CIB4: variants seen among roughly 807,000 people sequenced by gnomAD.
CIB4 encodes calcium and integrin binding family member 4.
Under a neutral mutation model 25.8 loss-of-function variants are expected in CIB4, and 25 were observed. The ratio of observed to expected loss-of-function variants is 0.97; its 90% CI spans 0.71 to 1.35. CIB4 has a LOEUF of 1.35. CIB4 is among the 40% of genes most tolerant of loss of function. CIB4 has a pLI of 0.00. For synonymous variants in CIB4, 75 were observed against 81.4 expected (o/e 0.92, Z 0.42); for missense variants, 235 against 228.2 (o/e 1.03, Z -0.19).
chr2:26,637,549 A>G (rs772771690), intron 2 of CIB4, among the ~76,000 whole-genome samples: 22 of 151,978 alleles, frequency 1.4e-4, no homozygotes, highest in Non-Finnish European at 2.9e-4. Flanking sequence ...TAACTTAATA[A>G]TATACCTTGG....
At chr2:26,582,461 T>C (rs1203631244) in intron 6 of CIB4, among the ~76,000 whole-genome samples, 1 of 151,988 alleles carries the variant, frequency 6.6e-6, no homozygotes, top group East Asian at 1.9e-4. Flanking sequence ...CATCTTCAGA[T>C]CCCCCCTGTA....
At chr2:26,601,234 ATAT>A (rs1668782915) in intron 3 of CIB4, among the ~76,000 whole-genome samples, 51 of 8,810 alleles carry the variant, frequency 5.8e-3, no homozygotes, top group South Asian at 0.042. Flanking sequence ...AAAAAAAAAT[ATAT>A]ATATATATAT....
At chr2:26,640,754 CT>C (rs1669620147) in intron 1 of CIB4, among the ~76,000 whole-genome samples, 187 bp from the exon 2 acceptor site, 1 of 152,216 alleles carries the variant, frequency 6.6e-6, no homozygotes, top group African/African-American at 2.4e-5. Context: ...TTCTTACCCC[CT>C]AGTCTCTTAC....
intron 2 of CIB4, among the ~76,000 whole-genome samples, chr2:26,634,867 C>T (rs1041850212): frequency 1.3e-5 from 2 of 152,224 alleles, no homozygotes; most frequent in Admixed American, 1.3e-4. Flanking sequence ...CCACCCCACC[C>T]AAGAGAGTGT....
At chr2:26,592,611 T>C (rs1347673823) in intron 4 of CIB4, among the ~76,000 whole-genome samples, 1 of 152,204 alleles carries the variant, frequency 6.6e-6, no homozygotes, top group Admixed American at 6.5e-5. Context: ...TCTATTGTCC[T>C]GCACGTCTCT....
At chr2:26,635,507 A>G (rs1669515691) in intron 2 of CIB4, among the ~76,000 whole-genome samples, 1 of 152,214 alleles carries the variant, frequency 6.6e-6, no homozygotes, top group Admixed American at 6.5e-5. Context: ...ACATTTCTCT[A>G]TGACACCAAT....
At chr2:26,629,189 C>T (rs949056426) in intron 3 of CIB4, among the ~76,000 whole-genome samples, 52 of 152,284 alleles carry the variant, frequency 3.4e-4, no homozygotes, top group African/African-American at 1.2e-3. Context: ...GGGTCCTGCT[C>T]TAGGACCGAG....
At chr2:26,600,405 A>AAAAT (rs1179833559) in intron 3 of CIB4, among the ~76,000 whole-genome samples, 3 of 152,250 alleles carry the variant, frequency 2.0e-5, no homozygotes, top group Admixed American at 1.3e-4. Flanking sequence ...CTCTGACTCA[A>AAAAT]AAATAAATAA....
At chr2:26,622,850 G>T (rs1669230949) in intron 3 of CIB4, among the ~76,000 whole-genome samples, 1 of 152,114 alleles carries the variant, frequency 6.6e-6, no homozygotes, top group Non-Finnish European at 1.5e-5. Flanking sequence ...AGGCATGGCG[G>T]CACGCGCCTG....
At chr2:26,633,439 C>A (rs930534979) in intron 2 of CIB4, among the ~76,000 whole-genome samples, 5 of 152,104 alleles carry the variant, frequency 3.3e-5, no homozygotes, top group Admixed American at 2.0e-4. Context: ...AAACCAAGTT[C>A]TTCGGGCTGT....
intron 3 of CIB4, among the ~76,000 whole-genome samples, chr2:26,605,308 T>TA (rs374718515): frequency 3.8e-3 from 567 of 148,486 alleles, no homozygotes; most frequent in African/African-American, 0.012. Flanking sequence ...TTTGTTCAAG[T>TA]AAAAAAAAAA....
At chr2:26,603,086 G>A (rs895179610) in intron 3 of CIB4, among the ~76,000 whole-genome samples, 4 of 151,986 alleles carry the variant, frequency 2.6e-5, no homozygotes, top group Non-Finnish European at 1.5e-5. Context: ...TCACTTCTGT[G>A]GTATTTGCAC....
chr2:26,606,126 G>C (rs1002018449), intron 3 of CIB4, among the ~76,000 whole-genome samples: 1 of 152,200 alleles, frequency 6.6e-6, no homozygotes, highest in African/African-American at 2.4e-5. Context: ...AGTCCTTGCC[G>C]CAAATGCATC....
At chr2:26,608,068 C>A in intron 3 of CIB4, among the ~76,000 whole-genome samples, 1 of 152,140 alleles carries the variant, frequency 6.6e-6, no homozygotes, top group East Asian at 1.9e-4. Context: ...TGAAACCCCA[C>A]CTTTACTAAA....
At position 26,602,294 on chromosome 2, in the gene CIB4, A is replaced by T. The variant is rs375180585; in HGVS notation, c.187-6977T>A. On this transcript the variant is annotated intron_variant, in intron 3 of 6. Coordinates refer to ENST00000288861, the MANE Select transcript of CIB4 (RefSeq NM_001029881.3). ...GTTTGACCAGGTACGTAGTCTAAAG[A>T]CCAAAATAATATAAATAAACTTCTA... is the stretch of plus-strand genomic sequence containing the variant. 8.5e-5 allele frequency among the ~76,000 whole-genome samples: 13 copies of T among 152,292 alleles called. No homozygotes were observed. The South Asian group carries it at 2.7e-3, about 32-fold the overall frequency.
rs758447437 is a variant in CIB4 at position 26,583,749 on chromosome 2, C to A, written c.438+40G>T. ...CTTTGGGTGACAACCTGGCCCCTAT[C>A]CCCGGCCCCAGCCACCAACTCCCAG... On this transcript the variant is annotated intron_variant, in intron 5 of 6. Coordinates refer to ENST00000288861, the MANE Select transcript of CIB4 (RefSeq NM_001029881.3). 3.6e-6 allele frequency: 5 copies of A among 1,372,534 alleles called. No homozygotes were observed. The South Asian group carries it at 4.7e-5, about 13-fold the overall frequency. The allele number at this position is 1,372,534 out of a possible 1,614,324, so 85.0% of individuals were successfully genotyped here.
chr2:26,598,107 C>T (rs1206363729), intron 3 of CIB4, among the ~76,000 whole-genome samples: 1 of 151,922 alleles, frequency 6.6e-6, no homozygotes, highest in Non-Finnish European at 1.5e-5. Context: ...CGAGACCAGC[C>T]TGGCCAACAT....
rs190700295 is a variant in CIB4, at chr2:26,589,117, T to C, written c.329-5219A>G. 5.7e-4 allele frequency among the ~76,000 whole-genome samples: 69 copies of C among 120,858 alleles called. 5 individuals are homozygous for C. The highest frequency in any genetic ancestry group is 2.4e-3 in the African/African-American group (57 of 23,878). The allele number at this position is 120,858 out of a possible 152,430, so 79.3% of individuals were successfully genotyped here. On this transcript the variant is annotated intron_variant, in intron 4 of 6. Coordinates refer to ENST00000288861, the MANE Select transcript of CIB4 (RefSeq NM_001029881.3). Reference sequence around the variant, plus strand: ...CTTCTTCTTCTTCTTCCTCTTCTTCTTCTTCTTCTTCTTCTTCTTCTTCTC... The same window carrying C: ...CTTCTTCTTCTTCTTCCTCTTCTTCCTCTTCTTCTTCTTCTTCTTCTTCTC...
chr2:26,639,224 TC>T lies in CIB4; in HGVS notation c.89+1308del, dbSNP rs374225129. On this transcript the variant is annotated intron_variant, in intron 2 of 6. Transcript: ENST00000288861. The stretch of plus-strand genomic sequence containing the variant: ...TTTTTTTTTAAATTATATTTTAAGT[TC>T]TGGGATACATGTGCAGAACATGCAG... Among the ~76,000 whole-genome samples, 500 of 152,130 alleles carry T rather than the reference TC, an allele frequency of 3.3e-3. 4 individuals are homozygous for T. The highest frequency in any genetic ancestry group is 3.0e-3 in the Non-Finnish European group (202 of 67,998).
Sources: allele counts gnomAD v4.1 joint callset (sites outside exome capture counted in the v4.1 genomes callset), GRCh38; gene constraint gnomAD v4.1.1; transcripts MANE v1.5; gene names NCBI Gene and HGNC (gene_info 2026-07-23, HGNC 2026-07-21).